The following RERE variants were observed in gnomAD, a reference collection of about 807,000 sequenced individuals.
RERE encodes arginine-glutamic acid dipeptide repeats.
Under a neutral mutation model 146.1 loss-of-function variants are expected in RERE, and 40 were observed. That is an observed-to-expected ratio of 0.27 (90% CI 0.21 to 0.36). The LOEUF is 0.36. RERE is among the 10% of genes least tolerant of loss of function. The probability of loss-of-function intolerance (pLI) is 1.00; values close to 1 mark genes in which losing one functional copy is unlikely to be tolerated. For missense variants in RERE, 1,933 were observed against 2,138.7 expected, an observed-to-expected ratio of 0.90 and a Z score of 1.90; for synonymous variants, 1,003 against 866.0, an observed-to-expected ratio of 1.16 and a Z score of -2.78.
chr1:8,746,695 A>C (rs1458255497), intron 1 of RERE, among the ~76,000 whole-genome samples: 1 of 151,778 alleles, frequency 6.6e-6, no homozygotes, highest in Non-Finnish European at 1.5e-5. Context: ...TTACATTACA[A>C]TTAATTGTAC....
Position 8,355,030 on chromosome 1 carries a change from C to T in RERE, c.*57G>A, listed in dbSNP as rs1641234714. ...GCAGCTCCTATTTTATGTAAAAAGTCCTGTTTCTCCCCCCAAGAACTGGGG... is the reference window on the plus strand; with the variant it reads ...GCAGCTCCTATTTTATGTAAAAAGTTCTGTTTCTCCCCCCAAGAACTGGGG... On this transcript the variant is annotated 3_prime_UTR_variant, in exon 23 of 23. Transcript: ENST00000400908. The T allele has an allele frequency of 2.1e-6, 3 of 1,445,566 alleles. No homozygotes were observed. The highest frequency in any genetic ancestry group is 2.4e-5 in the South Asian group (2 of 84,698). The allele number at this position is 1,445,566 out of a possible 1,614,324, so 89.5% of individuals were successfully genotyped here. A position where few individuals can be genotyped will look rare whatever the true frequency, so the allele number is the denominator to read the frequency against.
intron 8 of RERE, among the ~76,000 whole-genome samples, chr1:8,507,737 C>CTTTTTTTTTTTTTTTTTT (rs58647657): frequency 8.1e-5 from 7 of 85,956 alleles, no homozygotes; most frequent in African/African-American, 2.5e-4. Flanking sequence ...CATCTTTTAT[C>CTTTTTTTTTTTTTTTTTT]TTTTTTTTTT....
chr1:8,730,403 C>T (rs149251399), intron 1 of RERE, among the ~76,000 whole-genome samples: 248 of 152,074 alleles, frequency 1.6e-3, no homozygotes, highest in African/African-American at 5.5e-3. Context: ...AGTGCAGTGG[C>T]GCGATCTCGG....
chr1:8,500,265 T>C (rs1469167306), intron 8 of RERE, among the ~76,000 whole-genome samples: 1 of 152,210 alleles, frequency 6.6e-6, no homozygotes, highest in Non-Finnish European at 1.5e-5. Context: ...CTGTTATTAA[T>C]CGAAAAGTAC....
At position 8,356,847 on chromosome 1, in the gene RERE, C is replaced by A. The variant is rs939056622; in HGVS notation, c.4340-601G>T. Among the ~76,000 whole-genome samples the A allele has an allele frequency of 6.6e-6, 1 of 152,188 alleles. No homozygotes were observed. Among genetic ancestry groups the A allele is most frequent in the Non-Finnish European group, 1.5e-5 (1 of 68,022 alleles). On this transcript the variant is annotated intron_variant, in intron 20 of 22. Coordinates refer to ENST00000400908, the MANE Select transcript of RERE (RefSeq NM_001042681.2). The surrounding 1 kb of genome is among the most constrained non-coding windows in gnomAD (Gnocchi z 5.2). Reference sequence around the variant, plus strand: ...TCCTATCTCCCAGCTCCAGCCAACACAGGCGCTGGCAGGGATTTCAGGGTT... The same window carrying A: ...TCCTATCTCCCAGCTCCAGCCAACAAAGGCGCTGGCAGGGATTTCAGGGTT...
At chr1:8,672,055 T>A (rs2124375675) in intron 1 of RERE, among the ~76,000 whole-genome samples, 1 of 152,130 alleles carries the variant, frequency 6.6e-6, no homozygotes, top group East Asian at 1.9e-4. Flanking sequence ...AGGAGGATCA[T>A]CACTACAGGC....
chr1:8,668,075 A>G (rs1638620141), intron 1 of RERE, among the ~76,000 whole-genome samples: 1 of 152,266 alleles, frequency 6.6e-6, no homozygotes, highest in Non-Finnish European at 1.5e-5. Context: ...CTACTGCTTT[A>G]AACAAATTAT....
intron 11 of RERE, among the ~76,000 whole-genome samples, chr1:8,443,731 C>T (rs1644282678): frequency 1.3e-5 from 2 of 152,210 alleles, no homozygotes. Context: ...CTGCTTCCCA[C>T]ATGCCCCTGT....
In RERE at chr1:8,364,569, C is replaced by T. The variant is rs1461006524; in HGVS notation, c.1540+177G>A. The stretch of plus-strand genomic sequence containing the variant: ...ACCAGTCAGTATTCCATACCGACTG[C>T]CAAGCAGAGGAGTAAAGTAAACTAA... On this transcript the variant is annotated intron_variant, in intron 14 of 22. Transcript: ENST00000400908. The surrounding 1 kb of genome is among the most constrained non-coding windows in gnomAD (Gnocchi z 5.1). Among the ~76,000 whole-genome samples, 1 of 152,172 alleles carries T rather than the reference C, an allele frequency of 6.6e-6. No individual in the cohort carries two copies. Among genetic ancestry groups the T allele is most frequent in the Non-Finnish European group, 1.5e-5 (1 of 68,030 alleles).
intron 4 of RERE, among the ~76,000 whole-genome samples, chr1:8,601,183 C>T (rs1482676652): frequency 1.3e-5 from 2 of 151,738 alleles, no homozygotes; most frequent in Non-Finnish European, 2.9e-5. Context: ...CCATGCCCGG[C>T]TGTTTTGTAT....
chr1:8,678,477 T>C (rs1266892248), intron 1 of RERE, among the ~76,000 whole-genome samples: 2 of 141,134 alleles, frequency 1.4e-5, no homozygotes, highest in Non-Finnish European at 3.2e-5. Context: ...ACCCCATCTC[T>C]ACTAAAAATA....
At chr1:8,386,018 ATATATTTTTTTTT>A (rs1272584435) in intron 12 of RERE, among the ~76,000 whole-genome samples, 39 of 41,906 alleles carry the variant, frequency 9.3e-4, no homozygotes, top group African/African-American at 3.6e-3. Context: ...ATATATATAT[ATATATTTTTTTTT>A]TTTTTTTTTT....
intron 7 of RERE, among the ~76,000 whole-genome samples, chr1:8,533,064 A>T (rs1447175302): frequency 2.0e-5 from 3 of 152,146 alleles, no homozygotes; most frequent in African/African-American, 7.2e-5. Flanking sequence ...TAATGAGATT[A>T]AAAAAATTAT....
intron 10 of RERE, among the ~76,000 whole-genome samples, chr1:8,466,456 A>C (rs1644598256): frequency 6.6e-6 from 1 of 152,086 alleles, no homozygotes; most frequent in South Asian, 2.1e-4. Context: ...CAGAAAGATC[A>C]AGTAAAGATG....
intron 12 of RERE, among the ~76,000 whole-genome samples, chr1:8,388,984 G>A (rs1642784857): frequency 6.6e-6 from 1 of 152,178 alleles, no homozygotes; most frequent in Non-Finnish European, 1.5e-5. Flanking sequence ...ACACTTCTGT[G>A]TCCCTGCTCT....
At chr1:8,780,928 A>C (rs1472363332) in intron 1 of RERE, among the ~76,000 whole-genome samples, 1 of 152,114 alleles carries the variant, frequency 6.6e-6, no homozygotes, top group Non-Finnish European at 1.5e-5. Context: ...ATCCACAATT[A>C]AAGAACCATG....
At chr1:8,398,927 C>T (rs1643153066) in intron 12 of RERE, among the ~76,000 whole-genome samples, 2 of 152,150 alleles carry the variant, frequency 1.3e-5, no homozygotes, top group African/African-American at 4.8e-5. Flanking sequence ...CTACTTAGAA[C>T]TGATAAACTT....
chr1:8,538,997 TA>T (rs1645762908), intron 7 of RERE, among the ~76,000 whole-genome samples: 1 of 152,238 alleles, frequency 6.6e-6, no homozygotes, highest in Admixed American at 6.5e-5. Flanking sequence ...TTACTTTTAA[TA>T]AGCATTCAGC....
At chr1:8,591,640 GAAGACTTAGGAGT>G (rs1251691127) in intron 4 of RERE, among the ~76,000 whole-genome samples, 1 of 152,110 alleles carries the variant, frequency 6.6e-6, no homozygotes, top group African/African-American at 2.4e-5. Flanking sequence ...GCTAAACCAA[GAAGACTTAGGAGT>G]ACTAGTTTCT....
Sources: gnomAD v4.1 joint callset for allele counts (sites outside exome capture counted in the v4.1 genomes callset) on GRCh38, gnomAD v4.1.1 for gene constraint, Gnocchi (gnomAD v3.1) non-coding constraint, MANE v1.5 for transcripts, NCBI Gene and HGNC (gene_info 2026-07-23, HGNC 2026-07-21) for gene names.